CUEDC1: variants seen among roughly 807,000 people sequenced by gnomAD.
CUEDC1 encodes CUE domain containing 1.
In CUEDC1, 30 loss-of-function variants were observed where a neutral mutation model predicts 43.7. The observed-to-expected ratio is 0.69, with a 90% CI of 0.51 to 0.93. The LOEUF (loss-of-function observed/expected upper bound fraction) is 0.93. CUEDC1 is among the 40% of genes least tolerant of loss of function. The pLI is 0.00. For missense variants in CUEDC1, 486 were observed against 549.0 expected (o/e 0.89, Z 1.15); for synonymous variants, 223 against 223.6 (o/e 1.00, Z 0.02).
intron 1 of CUEDC1, among the ~76,000 whole-genome samples, chr17:57,925,649 C>G (rs1161830067): frequency 6.6e-6 from 1 of 152,144 alleles, no homozygotes; most frequent in East Asian, 1.9e-4. Flanking sequence ...TGCCGCCACC[C>G]CCAAGCATGA....
chr17:57,935,983 G>A lies in CUEDC1; in HGVS notation c.-316+19242C>T, dbSNP rs1428120801. 2.0e-5 allele frequency among the ~76,000 whole-genome samples: 3 copies of A among 152,312 alleles called. No individual in the cohort carries two copies. In the East Asian group the frequency reaches 5.8e-4, roughly 29 times the overall value. On this transcript the variant is annotated intron_variant, in intron 1 of 10. Transcript: ENST00000577830. ...CACCCACCTCCGCTGTTGCTGTCCT[G>A]TCTCCTGGGCCAGTGACCCACCCGC...
chr17:57,892,602 T>A (rs562662881), intron 1 of CUEDC1: 1 of 152,416 alleles, frequency 6.6e-6, no homozygotes, highest in South Asian at 2.1e-4. Context: ...GCAGAGGGAT[T>A]TGCTTCTTGC....
chr17:57,908,912 G>A (rs1179309928), intron 1 of CUEDC1, among the ~76,000 whole-genome samples: 3 of 151,962 alleles, frequency 2.0e-5, no homozygotes, highest in Admixed American at 6.6e-5. Context: ...CAGGAGAATC[G>A]CTTGAACCCA....
chr17:57,907,492 C>G (rs554607250), intron 1 of CUEDC1, among the ~76,000 whole-genome samples: 2 of 151,994 alleles, frequency 1.3e-5, no homozygotes, highest in Non-Finnish European at 1.5e-5. Flanking sequence ...ATAAGAGGAC[C>G]CTATTTACAT....
chr17:57,909,178 A>G (rs1236874268), intron 1 of CUEDC1, among the ~76,000 whole-genome samples: 1 of 152,108 alleles, frequency 6.6e-6, no homozygotes, highest in Admixed American at 6.5e-5. Flanking sequence ...TCGTTCTGTC[A>G]TGGCGAGACG....
intron 1 of CUEDC1, among the ~76,000 whole-genome samples, chr17:57,907,150 GGCT>G (rs2074537751): frequency 6.6e-6 from 1 of 152,136 alleles, no homozygotes; most frequent in African/African-American, 2.4e-5. Context: ...TGTTGACGAG[GGCT>G]GTTCAGATGG....
intron 1 of CUEDC1, among the ~76,000 whole-genome samples, chr17:57,904,804 T>G (rs896715755): frequency 4.7e-4 from 72 of 152,222 alleles, no homozygotes; most frequent in African/African-American, 1.6e-3. Flanking sequence ...CTTCCTCGGC[T>G]CTGCAGGGGT....
intron 1 of CUEDC1, among the ~76,000 whole-genome samples, chr17:57,913,260 G>A (rs142377955): frequency 5.9e-4 from 90 of 151,920 alleles, no homozygotes; most frequent in African/African-American, 1.7e-3. Flanking sequence ...TCCCAGAGGC[G>A]GAGGTTGCAG....
intron 1 of CUEDC1, among the ~76,000 whole-genome samples, chr17:57,935,773 C>T (rs2074856124): frequency 6.6e-6 from 1 of 152,322 alleles, no homozygotes; most frequent in East Asian, 1.9e-4. Flanking sequence ...CTGGCCGTCC[C>T]ACCCCAATTC....
chr17:57,935,005 G>A (rs953486481), intron 1 of CUEDC1, among the ~76,000 whole-genome samples: 4 of 152,168 alleles, frequency 2.6e-5, no homozygotes, highest in African/African-American at 9.7e-5. Flanking sequence ...ACCACACCCA[G>A]CCCGTTCCCC....
In CUEDC1 at chr17:57,861,804, C is replaced by CCG. The variant is rs2073878110; in HGVS notation, c.*1484_*1485insCG. 8.7e-6 allele frequency: 1 copy of CCG among 115,000 alleles called. No homozygotes were observed. The highest frequency in any genetic ancestry group is 4.5e-5 in the African/African-American group (1 of 22,126). The allele number at this position is 115,000 out of a possible 1,614,324, so 7.1% of individuals were successfully genotyped here. ...GGGGTACCGAGGCACTCCTCGGAGA[C>CCG]CCCCCCCCCTCCCTCCAGGGCCCCA... On this transcript the variant is annotated 3_prime_UTR_variant, in exon 11 of 11. Coordinates refer to ENST00000577830, the MANE Select transcript of CUEDC1 (RefSeq NM_001271875.2).
chr17:57,862,866 A>C lies in CUEDC1; in HGVS notation c.*423T>G, dbSNP rs2144897746. The C allele has an allele frequency of 6.6e-6, 1 of 152,300 alleles. No individual in the cohort carries two copies. Among genetic ancestry groups the C allele is most frequent in the Middle Eastern group, 3.4e-3 (1 of 292 alleles). The allele number at this position is 152,300 out of a possible 1,614,324, so 9.4% of individuals were successfully genotyped here. A position where few individuals can be genotyped will look rare whatever the true frequency, so the allele number is the denominator to read the frequency against. ...AGAGTCTGTGACAGGAGAGATAGAG[A>C]ACGGACGGAGGCAGAGACTCCACCT... On this transcript the variant is annotated 3_prime_UTR_variant, in exon 11 of 11. Transcript: ENST00000577830.
chr17:57,910,339 A>G (rs1171425980), intron 1 of CUEDC1, among the ~76,000 whole-genome samples: 1 of 152,226 alleles, frequency 6.6e-6, no homozygotes, highest in Admixed American at 6.5e-5. Context: ...CTGAAAGCAC[A>G]TAGGGAAATG....
chr17:57,885,108 G>A (rs2074268237), intron 2 of CUEDC1, 121 bp downstream of exon 2: 2 of 1,442,750 alleles, frequency 1.4e-6, no homozygotes, highest in Middle Eastern at 2.2e-4. Context: ...CCCAGATAGC[G>A]GAGTAACCCA....
chr17:57,879,873 T>TA lies in CUEDC1; in HGVS notation c.337-136dup, dbSNP rs1331239937. ...TGTTGCTAGTGGGAGTGTAAATCGA[T>TA]ACAATCACCACTTTAGAAAACTGCC... is the stretch of plus-strand genomic sequence containing the variant. On this transcript the variant is annotated intron_variant, in intron 2 of 10. Coordinates refer to ENST00000577830, the MANE Select transcript of CUEDC1 (RefSeq NM_001271875.2). 1.6e-5 allele frequency: 14 copies of TA among 898,534 alleles called. No individual in the cohort carries two copies. In the East Asian group the frequency reaches 3.8e-4, roughly 25 times the overall value. The allele number at this position is 898,534 out of a possible 1,614,324, so 55.7% of individuals were successfully genotyped here. A position where few individuals can be genotyped will look rare whatever the true frequency, so the allele number is the denominator to read the frequency against.
intron 1 of CUEDC1, among the ~76,000 whole-genome samples, chr17:57,921,179 T>C (rs2074694436): frequency 6.6e-6 from 1 of 152,232 alleles, no homozygotes; most frequent in Non-Finnish European, 1.5e-5. Flanking sequence ...GTCCAGACTC[T>C]GCCCCTGATT....
Position 57,955,249 on chromosome 17 carries a change from C to T in CUEDC1, c.-340G>A, listed in dbSNP as rs1177474950. 6.9e-6 allele frequency: 1 copy of T among 145,216 alleles called. No individual in the cohort carries two copies. Among genetic ancestry groups the T allele is most frequent in the Non-Finnish European group, 1.5e-5 (1 of 65,016 alleles). The allele number at this position is 145,216 out of a possible 1,614,324, so 9.0% of individuals were successfully genotyped here. A position where few individuals can be genotyped will look rare whatever the true frequency, so the allele number is the denominator to read the frequency against. ...CCGGGCAGCGCCACGCGCGTCCGCT[C>T]CGCGCGGGCCGCAGGGGCCGGGCCG... On this transcript the variant is annotated 5_prime_UTR_variant, in exon 1 of 11. Coordinates refer to ENST00000577830, the MANE Select transcript of CUEDC1 (RefSeq NM_001271875.2). This position sits in a 1 kb window ranked among gnomAD's most constrained non-coding sequence, Gnocchi z 5.3.
At chr17:57,909,982 T>C (rs894967744) in intron 1 of CUEDC1, among the ~76,000 whole-genome samples, 1 of 152,096 alleles carries the variant, frequency 6.6e-6, no homozygotes, top group Non-Finnish European at 1.5e-5. Context: ...GTTCTGGTTT[T>C]GTTTTGTTTT....
chr17:57,944,321 C>T lies in CUEDC1; in HGVS notation c.-316+10904G>A, dbSNP rs899557883. Among the ~76,000 whole-genome samples, 32 of 151,306 alleles carry T rather than the reference C, an allele frequency of 2.1e-4. 1 individual carries two copies. Among genetic ancestry groups the T allele is most frequent in the African/African-American group, 7.3e-4 (30 of 41,194 alleles). ...TGCCTCCCAGGTTCAAGTGATTCTC[C>T]TGCCTCAGCCTCCTGCGTAGCTGGG... On this transcript the variant is annotated intron_variant, in intron 1 of 10. Coordinates refer to ENST00000577830, the MANE Select transcript of CUEDC1 (RefSeq NM_001271875.2).
Sources: gnomAD v4.1 joint callset for allele counts (sites outside exome capture counted in the v4.1 genomes callset) on GRCh38, gnomAD v4.1.1 for gene constraint, Gnocchi (gnomAD v3.1) non-coding constraint, MANE v1.5 for transcripts, NCBI Gene and HGNC (gene_info 2026-07-23, HGNC 2026-07-21) for gene names.